The following LGR6 variants were observed in gnomAD, a reference collection of about 807,000 sequenced individuals.
LGR6 encodes leucine rich repeat containing G protein-coupled receptor 6.
In LGR6, 45 loss-of-function variants were observed where a neutral mutation model predicts 69.4. The ratio of observed to expected loss-of-function variants is 0.65; its 90% CI spans 0.51 to 0.83. The LOEUF is 0.83. Ranked by LOEUF, LGR6 falls within the 40% of genes least tolerant of loss-of-function variation. The pLI is 0.00. For synonymous variants in LGR6, 538 were observed against 555.0 expected, an observed-to-expected ratio of 0.97 and a Z score of 0.43; for missense variants, 1,108 against 1,246.7, an observed-to-expected ratio of 0.89 and a Z score of 1.68.
intron 8 of LGR6, 21 bp downstream of exon 8, chr1:202,300,941 TC>T: frequency 1.3e-6 from 2 of 1,593,060 alleles, no homozygotes; most frequent in Non-Finnish European, 1.7e-6. Context: ...CTTTCTCTGG[TC>T]TCTTAATGCC....
intron 6 of LGR6, among the ~76,000 whole-genome samples, chr1:202,291,863 T>G (rs1371619300): frequency 6.6e-6 from 1 of 152,200 alleles, no homozygotes; most frequent in Non-Finnish European, 1.5e-5. Flanking sequence ...ACTATTATCC[T>G]CTATTATTAC....
intron 4 of LGR6, among the ~76,000 whole-genome samples, chr1:202,275,492 C>G (rs922603654): frequency 6.6e-6 from 1 of 152,128 alleles, no homozygotes; most frequent in African/African-American, 2.4e-5. Context: ...TCATATCACC[C>G]TAGAATCTCT....
Position 202,306,932 on chromosome 1 carries a change from C to T in LGR6, c.1201C>T (p.Gln401Ter). ...CACCTTCAGCCAGCTGAGCTCCCTG[C>T]AAGCCCTGTGAGTACCCACATCCAG... ...ADTFSQLSSL[Q>*]ALDLSWNAIR... Residue 401 changes from glutamine to a stop codon, truncating the protein, a stop_gained, in exon 13 of 18, where the codon CAA (glutamine) becomes TAA (stop). Transcript: ENST00000367278. LOFTEE classifies it high-confidence loss of function. 6.2e-7 allele frequency: 1 copy of T among 1,614,038 alleles called. No homozygotes were observed. Among genetic ancestry groups the T allele is most frequent in the Non-Finnish European group, 8.5e-7 (1 of 1,179,944 alleles).
chr1:202,262,759 A>C (rs1257355430), intron 4 of LGR6, among the ~76,000 whole-genome samples: 5 of 152,124 alleles, frequency 3.3e-5, no homozygotes, highest in African/African-American at 1.2e-4. Flanking sequence ...TCTGACTTCA[A>C]GGAGAGTGTC....
chr1:202,207,003 C>T (rs531226684), intron 1 of LGR6, among the ~76,000 whole-genome samples: 13 of 152,056 alleles, frequency 8.5e-5, no homozygotes, highest in South Asian at 4.2e-4. Context: ...CTGCAACCTC[C>T]GCCTCTCGGG....
chr1:202,288,321 C>G (rs1666547083), intron 6 of LGR6, among the ~76,000 whole-genome samples: 1 of 152,188 alleles, frequency 6.6e-6, no homozygotes, highest in Non-Finnish European at 1.5e-5. Context: ...ATAGCATGCA[C>G]CGCAATCTGA....
intron 4 of LGR6, among the ~76,000 whole-genome samples, chr1:202,256,187 G>T (rs982180084): frequency 6.6e-6 from 1 of 151,946 alleles, no homozygotes; most frequent in Non-Finnish European, 1.5e-5. Flanking sequence ...ATGTTTTCAA[G>T]GTTCATCCAT....
Position 202,313,346 on chromosome 1 carries a change from G to C in LGR6, c.1568-1456G>C, listed in dbSNP as rs1341889899. Among the ~76,000 whole-genome samples the C allele has an allele frequency of 8.5e-5, 13 of 152,210 alleles. No individual in the cohort carries two copies. The South Asian group carries it at 2.7e-3, about 32-fold the overall frequency. On this transcript the variant is annotated intron_variant, in intron 16 of 17. Transcript: ENST00000367278. ...TCTCCCATTGGGGACTTTCTGTTTA[G>C]TATCATCAGTGACAAATTATGTTCA...
rs780354987 is a variant in LGR6 at position 202,276,480 on chromosome 1, C to T, written c.603C>T (p.Ile201=). Residue 201 remains isoleucine, a synonymous_variant, in exon 5 of 18, where the codon ATC becomes ATT. Coordinates refer to ENST00000367278, the MANE Select transcript of LGR6 (RefSeq NM_001017403.2). ...MTLALNRISH[I]PDYAFQNLTS... ...TGGCCCTCAACCGCATCAGCCACAT[C>T]CCCGACTACGCGTTCCAGAATCTCA... is the stretch of plus-strand genomic sequence containing the variant. The T allele has an allele frequency of 5.6e-6, 9 of 1,614,078 alleles. No homozygotes were observed. Among genetic ancestry groups the T allele is most frequent in the African/African-American group, 1.3e-5 (1 of 74,950 alleles).
At chr1:202,295,933 T>A (rs1012134613) in intron 6 of LGR6, among the ~76,000 whole-genome samples, 1 of 151,600 alleles carries the variant, frequency 6.6e-6, no homozygotes, top group Non-Finnish European at 1.5e-5. Flanking sequence ...TCTGGCTCAC[T>A]GGCTGCCAGA....
intron 4 of LGR6, among the ~76,000 whole-genome samples, chr1:202,273,067 G>T (rs993010785): frequency 1.3e-5 from 2 of 152,228 alleles, no homozygotes; most frequent in South Asian, 2.1e-4. Flanking sequence ...CTTGGGTTCA[G>T]ATTTAAGCCC....
Position 202,235,418 on chromosome 1 carries a change from C to T in LGR6, c.357-504C>T, listed in dbSNP as rs527597328. On this transcript the variant is annotated intron_variant, in intron 3 of 17. Coordinates refer to ENST00000367278, the MANE Select transcript of LGR6 (RefSeq NM_001017403.2). Reference sequence around the variant, plus strand: ...CTCCTCTGGAGTACTTCGAATTGTTCCTACAGACAAAGGCTGAAAAAAATG... The same window carrying T: ...CTCCTCTGGAGTACTTCGAATTGTTTCTACAGACAAAGGCTGAAAAAAATG... Among the ~76,000 whole-genome samples the T allele has an allele frequency of 5.9e-5, 9 of 152,268 alleles. No homozygotes were observed. In the East Asian group the frequency reaches 1.5e-3, roughly 26 times the overall value.
At chr1:202,200,379 T>G (rs1182703825) in intron 1 of LGR6, among the ~76,000 whole-genome samples, 1 of 151,406 alleles carries the variant, frequency 6.6e-6, no homozygotes, top group Non-Finnish European at 1.5e-5. Context: ...GGATTGGGAG[T>G]GTTGTTGTGG....
Position 202,276,302 on chromosome 1 carries a change from C to T in LGR6, c.429-4C>T. ...TGACCCCTCTCCATCCTCTCTTCCA[C>T]CAGGCGCCTAGATGCCAACCTCATC... On this transcript the variant is annotated splice_polypyrimidine_tract_variant and splice_region_variant and intron_variant, in intron 4 of 17. Transcript: ENST00000367278. 1 of 1,612,418 alleles carries T rather than the reference C, an allele frequency of 6.2e-7. No individual in the cohort carries two copies. The highest frequency in any genetic ancestry group is 2.2e-5 in the East Asian group (1 of 44,852).
intron 3 of LGR6, among the ~76,000 whole-genome samples, chr1:202,234,635 C>T (rs1158990877): frequency 3.9e-5 from 6 of 152,158 alleles, no homozygotes; most frequent in Non-Finnish European, 8.8e-5. Context: ...TGTCAGTTAG[C>T]AGTTGTGTGC....
intron 14 of LGR6, among the ~76,000 whole-genome samples, chr1:202,307,967 C>T (rs148214100): frequency 1.3e-5 from 2 of 152,178 alleles, no homozygotes; most frequent in South Asian, 2.1e-4. Flanking sequence ...TTATTCACTG[C>T]GCAAGCACTC....
At chr1:202,299,259 C>CA (rs940683421) in intron 7 of LGR6, among the ~76,000 whole-genome samples, 13,923 of 66,726 alleles carry the variant, frequency 0.21, 1,007 homozygotes, top group Middle Eastern at 0.27. Context: ...GACTCTGTCT[C>CA]AAAAAAAAAA....
rs1436369829 is a variant in LGR6 at position 202,318,910 on chromosome 1, C to T, written c.2607C>T (p.Ala869=). Residue 869 remains alanine (A), a synonymous_variant, in exon 18 of 18, where the codon GCC becomes GCT. Transcript: ENST00000367278. ...LEKSSCDSTQ[A]LVAFSDVDLI... is the part of the protein sequence containing the mutation. Reference sequence around the variant, plus strand: ...AGAGCTCCTGTGATTCTACCCAGGCCCTGGTAGCCTTCTCTGATGTGGATC... The same window carrying T: ...AGAGCTCCTGTGATTCTACCCAGGCTCTGGTAGCCTTCTCTGATGTGGATC... 10 of 1,613,994 alleles carry T rather than the reference C, an allele frequency of 6.2e-6. No individual in the cohort carries two copies. Among genetic ancestry groups the T allele is most frequent in the Admixed American group, 1.7e-5 (1 of 59,994 alleles).
At position 202,205,885 on chromosome 1, in the gene LGR6, AAC is replaced by A. The variant is rs1305026596; in HGVS notation, c.212+11695_212+11696del. 8.6e-5 allele frequency among the ~76,000 whole-genome samples: 12 copies of A among 139,566 alleles called. No individual in the cohort carries two copies. In the South Asian group the frequency reaches 9.1e-4, roughly 11 times the overall value. 91.6% of individuals were successfully genotyped at this position (139,566 alleles called of 152,430 possible). A position where few individuals can be genotyped will look rare whatever the true frequency, so the allele number is the denominator to read the frequency against. ...CCTTCAAACACACACCCGTCCTTCA[AAC>A]ACACACACACCTAACACACACACAC... On this transcript the variant is annotated intron_variant, in intron 1 of 17. Coordinates refer to ENST00000367278, the MANE Select transcript of LGR6 (RefSeq NM_001017403.2).
Sources: allele counts gnomAD v4.1 joint callset (sites outside exome capture counted in the v4.1 genomes callset), GRCh38; gene constraint gnomAD v4.1.1; transcripts MANE v1.5; gene names NCBI Gene and HGNC (gene_info 2026-07-23, HGNC 2026-07-21).